Variants in EXOC4 observed in about 807,000 individuals in gnomAD.
EXOC4 encodes exocyst complex component 4, also known as SEC8-like 1.
A neutral mutation model predicts 107.2 loss-of-function variants in EXOC4; 71 were observed. The observed-to-expected ratio is 0.66, with a 90% CI of 0.55 to 0.81. EXOC4 has a LOEUF of 0.81. EXOC4 is among the 30% of genes least tolerant of loss of function. The pLI is 0.00. For synonymous variants in EXOC4, 456 were observed against 441.2 expected, an observed-to-expected ratio of 1.03 and a Z score of -0.42; for missense variants, 1,108 against 1,189.6, an observed-to-expected ratio of 0.93 and a Z score of 1.01.
At chr7:133,983,876 C>T (rs556740194) in intron 14 of EXOC4, among the ~76,000 whole-genome samples, 1 of 152,260 alleles carries the variant, frequency 6.6e-6, no homozygotes, top group East Asian at 1.9e-4. Context: ...TTCATTAGCC[C>T]CCACTCCCCT....
intron 13 of EXOC4, among the ~76,000 whole-genome samples, chr7:133,920,277 C>T (rs1165516806): frequency 6.6e-6 from 1 of 152,076 alleles, no homozygotes; most frequent in Non-Finnish European, 1.5e-5. Context: ...TTTTGGGTAG[C>T]AGTCCTTCAT....
chr7:133,401,285 C>G (rs570400042), intron 7 of EXOC4, among the ~76,000 whole-genome samples: 1 of 151,528 alleles, frequency 6.6e-6, no homozygotes, highest in Non-Finnish European at 1.5e-5. Flanking sequence ...CTTCTCTTTC[C>G]TATTCAGTCA....
At chr7:133,942,237 T>TAA (rs1800447213) in intron 14 of EXOC4, among the ~76,000 whole-genome samples, 1 of 151,924 alleles carries the variant, frequency 6.6e-6, no homozygotes, top group Non-Finnish European at 1.5e-5. Context: ...ACCTCCTTGA[T>TAA]TATATATTCT....
At chr7:133,942,264 GA>G (rs1800448175) in intron 14 of EXOC4, among the ~76,000 whole-genome samples, 1 of 151,600 alleles carries the variant, frequency 6.6e-6, no homozygotes, top group South Asian at 2.1e-4. Flanking sequence ...TACCATCTAG[GA>G]AGTCTTTTTT....
intron 10 of EXOC4, among the ~76,000 whole-genome samples, chr7:133,741,008 T>G (rs1273516815): frequency 6.6e-6 from 1 of 152,164 alleles, no homozygotes; most frequent in Non-Finnish European, 1.5e-5. Context: ...TTAACACTGG[T>G]GGAAACAGTC....
Position 133,364,154 on chromosome 7 carries a change from CTCACTCTG to C in EXOC4, c.1007+7584_1007+7591del, listed in dbSNP as rs1366042094. On this transcript the variant is annotated intron_variant, in intron 6 of 17. Transcript: ENST00000253861. ...AAGTTTATTTTTATGGAGATGTGGT[CTCACTCTG>C]TCGCTGAGGCTGGAATGTAGAGGCC... 2.6e-5 allele frequency among the ~76,000 whole-genome samples: 4 copies of C among 152,128 alleles called. No individual in the cohort carries two copies. The South Asian group carries it at 8.3e-4, about 32-fold the overall frequency.
chr7:133,498,591 A>G (rs1193705297), intron 9 of EXOC4, among the ~76,000 whole-genome samples: 1 of 152,016 alleles, frequency 6.6e-6, no homozygotes, highest in East Asian at 1.9e-4. Context: ...TCTCAAAAAC[A>G]AACAAACAAA....
intron 17 of EXOC4, among the ~76,000 whole-genome samples, chr7:134,026,250 G>A (rs534368668): frequency 6.7e-4 from 102 of 151,384 alleles, no homozygotes; most frequent in Non-Finnish European, 1.0e-3. Flanking sequence ...TACATAGCCT[G>A]TCTCCCCACG....
intron 5 of EXOC4, among the ~76,000 whole-genome samples, chr7:133,333,873 A>G (rs1008230567): frequency 6.6e-6 from 1 of 152,196 alleles, no homozygotes; most frequent in African/African-American, 2.4e-5. Context: ...TCATTTTACA[A>G]TTGCTAACCA....
chr7:133,390,140 T>C (rs534569664), intron 7 of EXOC4, among the ~76,000 whole-genome samples: 1 of 152,190 alleles, frequency 6.6e-6, no homozygotes, highest in South Asian at 2.1e-4. Flanking sequence ...GGGCAGGAAA[T>C]AGAAATTTAG....
At chr7:133,418,178 T>A (rs1797522354) in intron 7 of EXOC4, among the ~76,000 whole-genome samples, 1 of 152,212 alleles carries the variant, frequency 6.6e-6, no homozygotes, top group Admixed American at 6.5e-5. Context: ...GCTTTACATA[T>A]TTAGACTATA....
At chr7:133,826,056 A>G (rs1797695397) in intron 11 of EXOC4, among the ~76,000 whole-genome samples, 1 of 152,098 alleles carries the variant, frequency 6.6e-6, no homozygotes, top group African/African-American at 2.4e-5. Context: ...TTGCCTCTTC[A>G]TGTCAAGAAT....
At chr7:134,025,665 T>A (rs776753210) in intron 17 of EXOC4, among the ~76,000 whole-genome samples, 1 of 152,200 alleles carries the variant, frequency 6.6e-6, no homozygotes, top group Non-Finnish European at 1.5e-5. Flanking sequence ...TCAGTTCCTC[T>A]CTCTGTTTCT....
chr7:133,459,276 G>A (rs984165364), intron 7 of EXOC4, among the ~76,000 whole-genome samples: 3 of 152,178 alleles, frequency 2.0e-5, no homozygotes, highest in Non-Finnish European at 4.4e-5. Context: ...AGCTGTGGTG[G>A]TTTTCATAAG....
rs1584914646 is a variant in EXOC4, at chr7:133,434,466, A to G, written c.1183-40862A>G. On this transcript the variant is annotated intron_variant, in intron 7 of 17. Coordinates refer to ENST00000253861, the MANE Select transcript of EXOC4 (RefSeq NM_021807.4). ...TTTGCTCTGAGCTCCCCCCTCTGGCATTAATGGTATATTTCTCTTTCTGTT... is the reference window on the plus strand; with the variant it reads ...TTTGCTCTGAGCTCCCCCCTCTGGCGTTAATGGTATATTTCTCTTTCTGTT... Among the ~76,000 whole-genome samples, 3 of 152,272 alleles carry G rather than the reference A, an allele frequency of 2.0e-5. 1 individual carries two copies. The highest frequency in any genetic ancestry group is 2.0e-4 in the Admixed American group (3 of 15,290).
chr7:133,773,464 T>TTTATTATTATTATTATTATTATTATTA (rs141227227), intron 10 of EXOC4, among the ~76,000 whole-genome samples: 39 of 149,294 alleles, frequency 2.6e-4, no homozygotes, highest in African/African-American at 9.4e-4. Context: ...TTACTAGGTT[T>TTTATTATTATTATTATTATTATTATTA]TTATTATTAT....
At chr7:133,746,408 G>A (rs1209746544) in intron 10 of EXOC4, among the ~76,000 whole-genome samples, 1 of 152,070 alleles carries the variant, frequency 6.6e-6, no homozygotes, top group African/African-American at 2.4e-5. Context: ...ATTGTAGCAT[G>A]ATTAATGAAC....
intron 9 of EXOC4, among the ~76,000 whole-genome samples, chr7:133,621,012 T>C (rs941194483): frequency 6.6e-6 from 1 of 152,218 alleles, no homozygotes; most frequent in African/African-American, 2.4e-5. Context: ...TTGGCTCATA[T>C]CTTACATTTT....
intron 9 of EXOC4, among the ~76,000 whole-genome samples, chr7:133,538,597 C>G (rs1266455397): frequency 2.0e-5 from 3 of 152,002 alleles, no homozygotes; most frequent in African/African-American, 7.3e-5. Flanking sequence ...TGGAGCATCA[C>G]TTGAGGCTGG....
Sources: allele counts gnomAD v4.1 joint callset (sites outside exome capture counted in the v4.1 genomes callset), GRCh38; gene constraint gnomAD v4.1.1; transcripts MANE v1.5; gene names NCBI Gene and HGNC (gene_info 2026-07-23, HGNC 2026-07-21).